The following LANCL3 variants were observed in gnomAD, a reference collection of about 807,000 sequenced individuals.
LANCL3 encodes the protein lanC-like protein 3.
Under a neutral mutation model 26.5 loss-of-function variants are expected in LANCL3, and 19 were observed. The ratio of observed to expected loss-of-function variants is 0.72; its 90% CI spans 0.50 to 1.05. The LOEUF is 1.05. LANCL3 is among the 50% of genes least tolerant of loss of function. The pLI is 0.00. For synonymous variants in LANCL3, 160 were observed against 166.6 expected, an observed-to-expected ratio of 0.96 and a Z score of 0.30; for missense variants, 318 against 362.7, an observed-to-expected ratio of 0.88 and a Z score of 1.00.
chrX:37,605,397 T>G (rs1223655819), intron 1 of LANCL3, among the ~76,000 whole-genome samples: 1 of 112,056 alleles, frequency 8.9e-6, no homozygotes, highest in Non-Finnish European at 1.9e-5. Flanking sequence ...CTTAGACCAA[T>G]GCAAGTATAC....
intron 1 of LANCL3, among the ~76,000 whole-genome samples, chrX:37,639,923 G>A (rs1191206836): frequency 9.0e-6 from 1 of 111,587 alleles, no homozygotes; most frequent in Non-Finnish European, 1.9e-5. Context: ...TACAATTTTG[G>A]CGATTGCCTT....
chrX:37,650,750 T>A (rs1222913119), intron 1 of LANCL3, among the ~76,000 whole-genome samples: 1 of 108,268 alleles, frequency 9.2e-6, no homozygotes, highest in East Asian at 2.9e-4. Flanking sequence ...TTTTTTTTTA[T>A]TATTATACTT....
intron 1 of LANCL3, among the ~76,000 whole-genome samples, chrX:37,588,917 T>G (rs1455430730): frequency 9.0e-6 from 1 of 111,600 alleles, no homozygotes; most frequent in Non-Finnish European, 1.9e-5. Flanking sequence ...TGGAATGGAT[T>G]CCCCGTGCTC....
chrX:37,633,126 G>C (rs1396033784), intron 1 of LANCL3, among the ~76,000 whole-genome samples: 8 of 105,941 alleles, frequency 7.6e-5, no homozygotes, highest in South Asian at 8.5e-4. Context: ...CACATAGTCC[G>C]ATATTTCTTG....
At chrX:37,585,600 C>G (rs1569461593) in intron 1 of LANCL3, among the ~76,000 whole-genome samples, 1 of 111,643 alleles carries the variant, frequency 9.0e-6, no homozygotes, top group Non-Finnish European at 1.9e-5. Context: ...TCTGTTTTAT[C>G]AGAGACTAGG....
intron 1 of LANCL3, among the ~76,000 whole-genome samples, chrX:37,617,265 T>G (rs1347328905): frequency 9.0e-6 from 1 of 111,182 alleles, no homozygotes; most frequent in African/African-American, 3.3e-5. Flanking sequence ...AAAACCTGAC[T>G]GAGAGTGATT....
intron 1 of LANCL3, among the ~76,000 whole-genome samples, chrX:37,637,634 G>A (rs1925741702): frequency 1.8e-5 from 2 of 111,936 alleles, no homozygotes; most frequent in Admixed American, 9.5e-5. Flanking sequence ...GACATCACAA[G>A]TCACTAAGCA....
intron 1 of LANCL3, among the ~76,000 whole-genome samples, chrX:37,609,835 A>G (rs1397865092): frequency 1.2e-4 from 13 of 111,821 alleles, no homozygotes; most frequent in Non-Finnish European, 2.1e-4. Context: ...AGATAGGGGC[A>G]TGCAGATTGA....
intron 1 of LANCL3, among the ~76,000 whole-genome samples, chrX:37,636,523 C>A (rs1925709508): frequency 8.9e-6 from 1 of 112,560 alleles, no homozygotes; most frequent in Non-Finnish European, 1.9e-5. Context: ...TCTTTCATGA[C>A]AATCTTATAT....
At chrX:37,584,907 C>A (rs1205159393) in intron 1 of LANCL3, among the ~76,000 whole-genome samples, 1 of 111,866 alleles carries the variant, frequency 8.9e-6, no homozygotes, top group Admixed American at 9.5e-5. Context: ...AATTTTAGAT[C>A]TTTCCTGCTT....
intron 1 of LANCL3, among the ~76,000 whole-genome samples, chrX:37,631,409 G>C (rs1556424282): frequency 2.7e-5 from 3 of 111,378 alleles, no homozygotes; most frequent in Non-Finnish European, 3.8e-5. Flanking sequence ...CTAGCTCCTG[G>C]ATTCATTGAT....
intron 1 of LANCL3, among the ~76,000 whole-genome samples, chrX:37,596,486 T>C (rs1220667083): frequency 7.1e-5 from 8 of 112,235 alleles, no homozygotes; most frequent in African/African-American, 1.6e-4. Flanking sequence ...AACAATCTTA[T>C]TGTGATTTCT....
At chrX:37,655,919 T>A in intron 2 of LANCL3, 108 bp downstream of exon 2, 2 of 625,603 alleles carry the variant, frequency 3.2e-6, no homozygotes, top group Non-Finnish European at 4.9e-6. Flanking sequence ...ACTAGTCATT[T>A]AATAAGAAAT....
chrX:37,654,984 TTAA>T (rs1215580214), intron 1 of LANCL3, among the ~76,000 whole-genome samples: 2 of 112,692 alleles, frequency 1.8e-5, no homozygotes, highest in Non-Finnish European at 3.7e-5. Flanking sequence ...GAGCAGAATC[TTAA>T]TAAATGCAAT....
rs1446086233 is a variant in LANCL3 at position 37,679,160 on chromosome X, G to A, written c.*3347G>A. ...GTTGTCAATGATAAAATGGATATAAGTGAGTTTTTTAATGTGCAGATCCTT... is the reference window on the plus strand; with the variant it reads ...GTTGTCAATGATAAAATGGATATAAATGAGTTTTTTAATGTGCAGATCCTT... On this transcript the variant is annotated 3_prime_UTR_variant, in exon 5 of 5. Transcript: ENST00000378619. 2 of 111,761 alleles carry A rather than the reference G, an allele frequency of 1.8e-5. No individual in the cohort carries two copies. Among genetic ancestry groups the A allele is most frequent in the Non-Finnish European group, 3.8e-5 (2 of 53,119 alleles). 9.2% of individuals were successfully genotyped at this position (111,761 alleles called of 1,213,427 possible).
chrX:37,669,986 A>G (rs1369131560), intron 4 of LANCL3, among the ~76,000 whole-genome samples: 3 of 112,314 alleles, frequency 2.7e-5, no homozygotes, highest in African/African-American at 9.8e-5. Context: ...ATTTTTTAAA[A>G]TGGCTATATA....
intron 3 of LANCL3, among the ~76,000 whole-genome samples, chrX:37,661,775 T>C (rs181624695): frequency 2.4e-4 from 27 of 112,586 alleles, no homozygotes; most frequent in African/African-American, 8.4e-4. Context: ...AGACTAATTC[T>C]GTGATTAAAA....
At chrX:37,645,504 T>G (rs1556426697) in intron 1 of LANCL3, among the ~76,000 whole-genome samples, 1 of 112,580 alleles carries the variant, frequency 8.9e-6, no homozygotes, top group African/African-American at 3.2e-5. Context: ...CAGTGGAGCA[T>G]GCAAATATGG....
At chrX:37,667,510 C>T (rs1602136190) in intron 4 of LANCL3, 21 bp downstream of exon 4, 8 of 835,140 alleles carry the variant, frequency 9.6e-6, no homozygotes, top group African/African-American at 2.3e-5. Flanking sequence ...CTTTATGGGT[C>T]TTTTTTTTTT....
Sources: gnomAD v4.1 joint callset for allele counts (sites outside exome capture counted in the v4.1 genomes callset) on GRCh38, gnomAD v4.1.1 for gene constraint, MANE v1.5 for transcripts, NCBI Gene and HGNC (gene_info 2026-07-23, HGNC 2026-07-21) for gene names.